Variants in DST observed in about 807,000 individuals in gnomAD.
DST encodes bullous pemphigoid antigen.
Under a neutral mutation model 875.2 loss-of-function variants are expected in DST, and 253 were observed. The observed-to-expected ratio is 0.29, with a 90% confidence interval of 0.26 to 0.32. The LOEUF is 0.32. DST is among the 10% of genes least tolerant of loss of function. DST has a pLI of 1.00. For missense variants in DST, 8,287 were observed against 9,111.6 expected (o/e 0.91, Z 3.68); for synonymous variants, 3,124 against 3,197.1 (o/e 0.98, Z 0.77).
intron 92 of DST, among the ~76,000 whole-genome samples, chr6:56,474,825 G>A (rs2095086485): frequency 6.6e-6 from 1 of 151,936 alleles, no homozygotes; most frequent in African/African-American, 2.4e-5. Context: ...TAGGCCAGGT[G>A]GCATGTGCCT....
intron 4 of DST, among the ~76,000 whole-genome samples, chr6:56,760,173 G>GA (rs1167815758): frequency 6.6e-6 from 1 of 152,074 alleles, no homozygotes; most frequent in Non-Finnish European, 1.5e-5. Context: ...ATCTAACTTT[G>GA]AAATATGTAC....
chr6:56,720,777 G>A (rs1050187508), intron 5 of DST, among the ~76,000 whole-genome samples: 3 of 152,116 alleles, frequency 2.0e-5, no homozygotes, highest in Admixed American at 6.5e-5. Context: ...CAGTAACAAT[G>A]TGATCTCTCT....
intron 5 of DST, among the ~76,000 whole-genome samples, chr6:56,724,933 G>A (rs2099442863): frequency 6.6e-6 from 1 of 152,004 alleles, no homozygotes; most frequent in Non-Finnish European, 1.5e-5. Context: ...ACAATCTTAA[G>A]GGTCTATAGA....
At chr6:56,754,987 T>C (rs990137109) in intron 4 of DST, among the ~76,000 whole-genome samples, 1 of 152,122 alleles carries the variant, frequency 6.6e-6, no homozygotes, top group African/African-American at 2.4e-5. Flanking sequence ...CACTAGCTTA[T>C]AGTAATACCA....
At chr6:56,570,446 T>C (rs1467357352) in intron 53 of DST, among the ~76,000 whole-genome samples, 1 of 152,182 alleles carries the variant, frequency 6.6e-6, no homozygotes, top group Non-Finnish European at 1.5e-5. Context: ...CATTAGATTC[T>C]CATAAGGAGC....
intron 36 of DST, chr6:56,620,236 C>A (rs940726569): frequency 3.1e-6 from 5 of 1,613,698 alleles, no homozygotes; most frequent in Non-Finnish European, 4.2e-6. Context: ...TTTGTTGCTC[C>A]AAATCATTGA....
intron 2 of DST, among the ~76,000 whole-genome samples, chr6:56,938,886 G>A (rs1438778580): frequency 1.3e-5 from 2 of 152,228 alleles, no homozygotes; most frequent in African/African-American, 4.8e-5. Context: ...GTGACTTCCA[G>A]CTGTGATGAG....
chr6:56,735,587 C>T (rs992117525), intron 4 of DST, among the ~76,000 whole-genome samples: 23 of 152,134 alleles, frequency 1.5e-4, no homozygotes, highest in African/African-American at 1.7e-4. Flanking sequence ...AGTTGTCTAA[C>T]GTAAGCCTTG....
intron 64 of DST, among the ~76,000 whole-genome samples, chr6:56,530,708 T>C (rs963847504): frequency 8.5e-5 from 13 of 152,210 alleles, no homozygotes; most frequent in Admixed American, 7.2e-4. Flanking sequence ...TAAAATATCA[T>C]GAACAGGGGA....
chr6:56,593,961 T>G lies in DST; in HGVS notation c.12428A>C (p.Tyr4143Ser), dbSNP rs2152688766. The G allele has an allele frequency of 6.2e-7, 1 of 1,613,968 alleles. No individual in the cohort carries two copies. Among genetic ancestry groups the G allele is most frequent in the Non-Finnish European group, 8.5e-7 (1 of 1,179,874 alleles). The change falls in exon 48 of 104, where the codon TAT (tyrosine) becomes TCT (serine). Residue 4143 changes from tyrosine to serine, a missense_variant. Coordinates refer to ENST00000680361, the MANE Select transcript of DST (RefSeq NM_001374736.1). ...CTGTAGCCAGTGCTCAAACTCGGTA[T>G]AGTCAGCATCAAACTTTTCTAATTC... Reference protein sequence around the residue: ...QEELEKFDADYTEFEHWLQQS... With the variant: ...QEELEKFDADSTEFEHWLQQS...
rs952260511 is a variant in DST, at chr6:56,604,833, T to C, written c.9795A>G (p.Pro3265=). ...TTGAAAGTGTGGCTTCAATACTTTC[T>C]GGTGTGAACTGAGAAATTTCTGTTC... ...GGGTEISQFT[P]ESIEATLSIL... The change falls in exon 40 of 104, where the codon CCA becomes CCG. Residue 3265 remains proline (P), a synonymous_variant. Transcript: ENST00000680361. 7 of 1,612,744 alleles carry C rather than the reference T, an allele frequency of 4.3e-6. No individual in the cohort carries two copies. The Admixed American group carries it at 6.7e-5, about 15-fold the overall frequency.
intron 36 of DST, chr6:56,619,775 A>C (rs758899353): frequency 6.2e-7 from 1 of 1,614,160 alleles, no homozygotes; most frequent in Non-Finnish European, 8.5e-7. Flanking sequence ...CTCCAACTTA[A>C]GGCATCTGAG....
Position 56,639,498 on chromosome 6 carries a change from G to T in DST, c.2811C>A (p.Asp937Glu). The T allele has an allele frequency of 6.2e-7, 1 of 1,613,824 alleles. No homozygotes were observed. The highest frequency in any genetic ancestry group is 8.5e-7 in the Non-Finnish European group (1 of 1,179,884). ...NEKEEEEVAYDWSERNTNIAR... is the reference protein window; with the variant it reads ...NEKEEEEVAYEWSERNTNIAR... ...CTATGTTGGTGTTTCTCTCACTCCA[G>T]TCATAAGCAACTTCCTCCTCTTCTT... is the stretch of plus-strand genomic sequence containing the variant. Residue 937 changes from aspartate (D) to glutamate (E), a missense_variant, in exon 21 of 104, where the codon GAC becomes GAA. By Grantham distance (45) the Asp-to-Glu change is conservative. Transcript: ENST00000680361.
At chr6:56,546,935 A>G (rs1328388616) in intron 61 of DST, among the ~76,000 whole-genome samples, 4 of 152,186 alleles carry the variant, frequency 2.6e-5, no homozygotes. Flanking sequence ...TATCAAGGTA[A>G]AAGCAAAACA....
chr6:56,952,057 T>TAA (rs1822644585), intron 2 of DST, among the ~76,000 whole-genome samples: 1 of 152,074 alleles, frequency 6.6e-6, no homozygotes, highest in Non-Finnish European at 1.5e-5. Context: ...GATACAGCCC[T>TAA]AAACAAGAAA....
chr6:56,607,778 A>G lies in DST; in HGVS notation c.6850T>C (p.Cys2284Arg). The G allele has an allele frequency of 6.2e-7, 1 of 1,613,454 alleles. No homozygotes were observed. The change falls in exon 40 of 104, where the codon TGT becomes CGT. Residue 2284 changes from cysteine (C) to arginine (R), a missense_variant. Physicochemically the swap from Cys to Arg is radical, Grantham distance 180 (BLOSUM62 -3). Around this residue, in one of 10 missense-constraint regions of DST, gnomAD observed 3,138 missense variants for 3,116.6 expected, o/e 1.01. Transcript: ENST00000680361. ...GTCTCTTCATGTTCAGGTTCTCCAC[A>G]GTGACATTTATTGAAACTACTTGGT... Reference protein sequence around the residue: ...ATPSSFNKCHCGEPEHEETPE... With the variant: ...ATPSSFNKCHRGEPEHEETPE...
chr6:56,873,780 G>A (rs1039690492), intron 3 of DST, among the ~76,000 whole-genome samples: 1 of 152,170 alleles, frequency 6.6e-6, no homozygotes, highest in African/African-American at 2.4e-5. Flanking sequence ...GAAGGAACAA[G>A]ATCTAGTGTT....
At chr6:56,781,390 T>G (rs901136108) in intron 4 of DST, among the ~76,000 whole-genome samples, 5 of 152,194 alleles carry the variant, frequency 3.3e-5, no homozygotes, top group Non-Finnish European at 7.3e-5. Flanking sequence ...TATCCTCTTT[T>G]ATTTCATTGA....
chr6:56,862,604 A>G (rs977785501), intron 3 of DST, among the ~76,000 whole-genome samples: 2 of 152,130 alleles, frequency 1.3e-5, no homozygotes. Context: ...CTGAAGGGTT[A>G]TAAGTAGTTT....
Sources: allele counts gnomAD v4.1 joint callset (sites outside exome capture counted in the v4.1 genomes callset), GRCh38; gene constraint gnomAD v4.1.1; regional missense constraint gnomAD v4.1.1; transcripts MANE v1.5; gene names NCBI Gene and HGNC (gene_info 2026-07-23, HGNC 2026-07-21).